Variants in ZNF33B observed in about 807,000 individuals in gnomAD.
ZNF33B encodes the protein zinc finger protein 11b (KOX 2).
ZNF33B carries 29 observed loss-of-function variants against 45.8 expected under a neutral mutation model. That is an observed-to-expected ratio of 0.63 (90% CI 0.47 to 0.86). ZNF33B has a LOEUF of 0.86. ZNF33B is among the 40% of genes least tolerant of loss of function. The pLI is 0.00. For synonymous variants in ZNF33B, 305 were observed against 307.8 expected, an observed-to-expected ratio of 0.99 and a Z score of 0.10; for missense variants, 831 against 909.9, an observed-to-expected ratio of 0.91 and a Z score of 1.12.
chr10:42,610,515 G>A (rs1266313133), intron 4 of ZNF33B, among the ~76,000 whole-genome samples: 1 of 152,148 alleles, frequency 6.6e-6, no homozygotes, highest in Admixed American at 6.5e-5. Flanking sequence ...TCCACCCTGG[G>A]CAATAAGAGC....
chr10:42,575,694 TATA>T (rs201974555), intron 1 of ZNF33B, among the ~76,000 whole-genome samples: 2,051 of 149,856 alleles, frequency 0.014, 17 homozygotes, highest in South Asian at 0.026. Context: ...ATTATAAGTT[TATA>T]ATGACTGCAT....
downstream of ZNF33B, among the ~76,000 whole-genome samples, chr10:42,587,981 T>G (rs978391702): frequency 6.6e-6 from 1 of 152,184 alleles, no homozygotes; most frequent in African/African-American, 2.4e-5. Flanking sequence ...CTCTCTCAGT[T>G]GTCTCCTGCC....
chr10:42,582,839 GA>G (rs1215722765), intron 1 of ZNF33B: 1 of 293,376 alleles, frequency 3.4e-6, no homozygotes, highest in Non-Finnish European at 6.5e-6. Flanking sequence ...GGCCCCAGGT[GA>G]GTCCCCAGCA....
In ZNF33B at chr10:42,594,329, CAA is replaced by C; in HGVS notation, c.619_620del (p.Leu207AlafsTer3). On this transcript the variant is annotated frameshift_variant, in exon 5 of 5. Coordinates refer to ENST00000359467, the MANE Select transcript of ZNF33B (RefSeq NM_006955.3). LOFTEE classifies it low-confidence loss of function (END_TRUNC). ...RNTLSHRENT[L>X]QHEKIQTLDH... ...CTAAAGTTTGAATCTTCTCATGCTG[CAA>C]AGTGTTCTCACGATGACTCAGAGTG... is the stretch of plus-strand genomic sequence containing the variant. The C allele has an allele frequency of 6.2e-7, 1 of 1,613,890 alleles. No individual in the cohort carries two copies. Among genetic ancestry groups the C allele is most frequent in the Non-Finnish European group, 8.5e-7 (1 of 1,179,886 alleles).
chr10:42,591,224 C>T lies in ZNF33B; in HGVS notation c.*1389G>A, dbSNP rs954439707. 3.3e-6 allele frequency: 3 copies of T among 908,664 alleles called. No homozygotes were observed. The African/African-American group carries it at 5.4e-5, about 16-fold the overall frequency. The allele number at this position is 908,664 out of a possible 1,614,324, so 56.3% of individuals were successfully genotyped here. Reference sequence around the variant, plus strand: ...ACAGTCCAACAGCCCTGGGCAGCAACTGGGCTGTATGTGTGGGCCTCTTTC... The same window carrying T: ...ACAGTCCAACAGCCCTGGGCAGCAATTGGGCTGTATGTGTGGGCCTCTTTC... On this transcript the variant is annotated 3_prime_UTR_variant, in exon 5 of 5. Transcript: ENST00000359467.
chr10:42,597,183 TTC>T (rs1370690556), intron 4 of ZNF33B, among the ~76,000 whole-genome samples: 1 of 152,100 alleles, frequency 6.6e-6, no homozygotes, highest in African/African-American at 2.4e-5. Context: ...TTGACTTTTT[TTC>T]TCTTTTTTTC....
At chr10:42,622,542 G>A (rs776948403) in intron 4 of ZNF33B, among the ~76,000 whole-genome samples, 2 of 152,176 alleles carry the variant, frequency 1.3e-5, no homozygotes, top group East Asian at 3.8e-4. Flanking sequence ...ATGGTCAACT[G>A]ATTTTTGACA....
chr10:42,606,089 C>A lies in ZNF33B; in HGVS notation c.251-11390G>T, dbSNP rs12262479. On this transcript the variant is annotated intron_variant, in intron 4 of 4. Transcript: ENST00000359467. ...CTCCAGCCTCAAGGACTCAGAGAGA[C>A]CCTGTTTCAAAAAAAAGAAATACAT... Among the ~76,000 whole-genome samples, 453 of 151,118 alleles carry A rather than the reference C, an allele frequency of 3.0e-3. 2 individuals are homozygous for A. The highest frequency in any genetic ancestry group is 0.011 in the African/African-American group (434 of 41,158).
Position 42,615,730 on chromosome 10 carries a change from C to A in ZNF33B, c.250+16199G>T, listed in dbSNP as rs144542230. On this transcript the variant is annotated intron_variant, in intron 4 of 4. Transcript: ENST00000359467. ...CTTGAGGTCAGGAGTTCCAGACCAG[C>A]CTGGCCAACACAGTGAAACCCTGTC... Among the ~76,000 whole-genome samples the A allele has an allele frequency of 6.8e-4, 103 of 152,164 alleles. 2 individuals are homozygous for A. The East Asian group carries it at 0.018, about 26-fold the overall frequency.
At chr10:42,606,527 C>G (rs1456386035) in intron 4 of ZNF33B, among the ~76,000 whole-genome samples, 4 of 152,126 alleles carry the variant, frequency 2.6e-5, no homozygotes, top group South Asian at 2.1e-4. Flanking sequence ...GATGTTAAGT[C>G]TGAATCCACA....
At chr10:42,587,709 C>T (rs73264790), downstream of ZNF33B, among the ~76,000 whole-genome samples, 3,209 of 152,278 alleles carry the variant, frequency 0.021, 81 homozygotes, top group African/African-American at 0.063. Flanking sequence ...TGGCAAGTAT[C>T]AGTGCCAGGC....
chr10:42,601,598 T>C (rs140116338), intron 4 of ZNF33B, among the ~76,000 whole-genome samples: 2,515 of 150,162 alleles, frequency 0.017, 76 homozygotes, highest in African/African-American at 0.059. Context: ...CTCAGCCTCC[T>C]GAGTAGCTGG....
chr10:42,606,004 G>A (rs939338371), intron 4 of ZNF33B, among the ~76,000 whole-genome samples: 26 of 152,036 alleles, frequency 1.7e-4, no homozygotes, highest in African/African-American at 6.3e-4. Context: ...AGGCTGAGGT[G>A]GGAGTATTGT....
chr10:42,586,497 T>C (rs1836939095), downstream of ZNF33B, among the ~76,000 whole-genome samples: 1 of 152,160 alleles, frequency 6.6e-6, no homozygotes, highest in Non-Finnish European at 1.5e-5. Context: ...CAGGCTGGAG[T>C]GCAGTGGCAC....
intron 1 of ZNF33B, among the ~76,000 whole-genome samples, chr10:42,638,078 C>T (rs1236405635): frequency 1.3e-5 from 2 of 152,370 alleles, no homozygotes; most frequent in East Asian, 3.9e-4. Context: ...AGGATGAACG[C>T]AGAACGGGCA....
chr10:42,609,833 A>G (rs1459547073), intron 4 of ZNF33B, among the ~76,000 whole-genome samples: 1 of 152,246 alleles, frequency 6.6e-6, no homozygotes, highest in African/African-American at 2.4e-5. Flanking sequence ...GTATACAGAG[A>G]AAAAGCATTT....
chr10:42,618,085 A>G (rs568234236), intron 4 of ZNF33B, among the ~76,000 whole-genome samples: 2 of 152,304 alleles, frequency 1.3e-5, no homozygotes, highest in South Asian at 2.1e-4. Context: ...ACCTGTGTGT[A>G]TAAGTAATAA....
chr10:42,615,195 T>A (rs1838262274), intron 4 of ZNF33B, among the ~76,000 whole-genome samples: 1 of 152,166 alleles, frequency 6.6e-6, no homozygotes, highest in South Asian at 2.1e-4. Context: ...AGAGACACCA[T>A]ATAACCAGCA....
At chr10:42,616,498 TAATCA>T (rs1838321188) in intron 4 of ZNF33B, among the ~76,000 whole-genome samples, 2 of 152,140 alleles carry the variant, frequency 1.3e-5, no homozygotes, top group Admixed American at 6.6e-5. Context: ...CTTGTACAGA[TAATCA>T]AATCGTCTGC....
Sources: allele counts gnomAD v4.1 joint callset (sites outside exome capture counted in the v4.1 genomes callset), GRCh38; gene constraint gnomAD v4.1.1; transcripts MANE v1.5; gene names NCBI Gene and HGNC (gene_info 2026-07-23, HGNC 2026-07-21).